Variants in KCNB2 observed in about 807,000 individuals in gnomAD.
The protein encoded by KCNB2 is delayed rectifier potassium channel protein.
A neutral mutation model predicts 61.5 loss-of-function variants in KCNB2; 15 were observed. That is an observed-to-expected ratio of 0.24 (90% CI 0.16 to 0.38). KCNB2 has a LOEUF of 0.38. Among genes scored for constraint, KCNB2 ranks in the 10% least tolerant of loss-of-function variants. The pLI is 1.00. For missense variants in KCNB2, 828 were observed against 1,125.2 expected, an observed-to-expected ratio of 0.74 and a Z score of 3.78; for synonymous variants, 457 against 446.0, an observed-to-expected ratio of 1.02 and a Z score of -0.31.
At chr8:72,703,513 C>A (rs567270429) in intron 2 of KCNB2, among the ~76,000 whole-genome samples, 1 of 152,322 alleles carries the variant, frequency 6.6e-6, no homozygotes, top group South Asian at 2.1e-4. Context: ...TCTACACTGA[C>A]CAGTCCTTGG....
chr8:72,682,764 T>C (rs1806782193), intron 2 of KCNB2, among the ~76,000 whole-genome samples: 1 of 152,140 alleles, frequency 6.6e-6, no homozygotes, highest in African/African-American at 2.4e-5. Context: ...CAGCTAACTT[T>C]TATTTTTTTG....
chr8:72,710,503 C>T (rs749510162), intron 2 of KCNB2, among the ~76,000 whole-genome samples: 5 of 151,768 alleles, frequency 3.3e-5, no homozygotes, highest in East Asian at 1.9e-4. Context: ...TGTGTGTTTG[C>T]GTATGTGTGT....
chr8:72,935,748 T>A (rs1206966169), intron 2 of KCNB2, among the ~76,000 whole-genome samples, 187 bp from the exon 3 acceptor site: 3 of 152,242 alleles, frequency 2.0e-5, no homozygotes, highest in Non-Finnish European at 4.4e-5. Flanking sequence ...AATTTAAATA[T>A]ACATTAGGCT....
intron 2 of KCNB2, among the ~76,000 whole-genome samples, chr8:72,763,972 C>G (rs1405317326): frequency 6.6e-6 from 1 of 152,056 alleles, no homozygotes; most frequent in Non-Finnish European, 1.5e-5. Context: ...ACAGGCACAG[C>G]AGAGACCTTG....
chr8:72,925,199 T>G (rs1253827441), intron 2 of KCNB2, among the ~76,000 whole-genome samples: 1 of 152,234 alleles, frequency 6.6e-6, no homozygotes, highest in Non-Finnish European at 1.5e-5. Context: ...TGCAATTCTC[T>G]GTTAATGGTG....
chr8:72,556,629 A>G (rs796189024), intron 1 of KCNB2, among the ~76,000 whole-genome samples: 105 of 152,304 alleles, frequency 6.9e-4, no homozygotes, highest in African/African-American at 2.4e-3. Flanking sequence ...ACAAAGTCCA[A>G]TTTTTAAATT....
At chr8:72,547,083 C>T (rs1376359111) in intron 1 of KCNB2, among the ~76,000 whole-genome samples, 3 of 152,208 alleles carry the variant, frequency 2.0e-5, no homozygotes, top group East Asian at 3.8e-4. Context: ...TTTACTCTGC[C>T]TATGCTTTAG....
At chr8:72,904,707 G>A (rs1406549892) in intron 2 of KCNB2, among the ~76,000 whole-genome samples, 1 of 151,540 alleles carries the variant, frequency 6.6e-6, no homozygotes, top group African/African-American at 2.4e-5. Context: ...TGTGCACAAC[G>A]TTTTATTTTT....
intron 2 of KCNB2, among the ~76,000 whole-genome samples, chr8:72,913,790 G>A (rs1176370875): frequency 6.6e-6 from 1 of 152,178 alleles, no homozygotes; most frequent in Non-Finnish European, 1.5e-5. Flanking sequence ...GTACTCAGAT[G>A]TTACTTTGGT....
In KCNB2 at chr8:72,694,944, C is replaced by A. The variant is rs183998185; in HGVS notation, c.579+126631C>A. On this transcript the variant is annotated intron_variant, in intron 2 of 2. Transcript: ENST00000523207. ...TCTTAAACTGATATTTTTCCTCTGA[C>A]AACAAGGGCACCTACATTTTTGTCA... Among the ~76,000 whole-genome samples, 320 of 152,044 alleles carry A rather than the reference C, an allele frequency of 2.1e-3. 3 individuals are homozygous for A. Among genetic ancestry groups the A allele is most frequent in the African/African-American group, 7.2e-3 (301 of 41,526 alleles).
intron 2 of KCNB2, among the ~76,000 whole-genome samples, chr8:72,795,405 T>G (rs556570510): frequency 2.0e-5 from 3 of 152,316 alleles, no homozygotes; most frequent in Non-Finnish European, 4.4e-5. Context: ...AATAAATGAT[T>G]TGAATATTTT....
intron 2 of KCNB2, among the ~76,000 whole-genome samples, chr8:72,687,795 G>C (rs1806875248): frequency 6.6e-6 from 1 of 152,164 alleles, no homozygotes; most frequent in South Asian, 2.1e-4. Flanking sequence ...TTACTTGACT[G>C]TCTTTTAAAA....
Position 72,750,857 on chromosome 8 carries a change from A to C in KCNB2, c.579+182544A>C, listed in dbSNP as rs989535582. Reference sequence around the variant, plus strand: ...TAATAATATTGACTAACATTTATAAAAATCAAATGATATCAGTCACTCACT... The same window carrying C: ...TAATAATATTGACTAACATTTATAACAATCAAATGATATCAGTCACTCACT... On this transcript the variant is annotated intron_variant, in intron 2 of 2. Transcript: ENST00000523207. The C allele has an allele frequency of 2.6e-5, 4 of 152,306 alleles. No homozygotes were observed. In the East Asian group the frequency reaches 7.7e-4, roughly 29 times the overall value. 9.4% of individuals were successfully genotyped at this position (152,306 alleles called of 1,614,324 possible).
chr8:72,834,560 G>T (rs909707633), intron 2 of KCNB2, among the ~76,000 whole-genome samples: 1 of 152,076 alleles, frequency 6.6e-6, no homozygotes, highest in African/African-American at 2.4e-5. Context: ...AAAATTCCTT[G>T]CTGGAAGTCC....
At chr8:72,546,433 C>T (rs1806258952) in intron 1 of KCNB2, among the ~76,000 whole-genome samples, 1 of 151,510 alleles carries the variant, frequency 6.6e-6, no homozygotes, top group Non-Finnish European at 1.5e-5. Flanking sequence ...CAGAGAATTG[C>T]TTGAACCTGA....
chr8:72,652,601 G>A (rs1170066879), intron 2 of KCNB2, among the ~76,000 whole-genome samples: 4 of 152,060 alleles, frequency 2.6e-5, no homozygotes, highest in African/African-American at 9.7e-5. Flanking sequence ...CCTTCAGCCT[G>A]TCTCTCCAGT....
intron 2 of KCNB2, among the ~76,000 whole-genome samples, chr8:72,742,826 C>T (rs1340945622): frequency 6.6e-6 from 1 of 152,182 alleles, no homozygotes; most frequent in Non-Finnish European, 1.5e-5. Flanking sequence ...TATGACTTTA[C>T]CCATGACGTC....
intron 2 of KCNB2, among the ~76,000 whole-genome samples, chr8:72,847,109 A>G (rs1342271326): frequency 1.3e-5 from 2 of 152,216 alleles, no homozygotes; most frequent in Non-Finnish European, 2.9e-5. Context: ...CACCTTCTGC[A>G]TTGATCTCAC....
chr8:72,573,113 T>G (rs940156366), intron 2 of KCNB2, among the ~76,000 whole-genome samples: 3 of 152,116 alleles, frequency 2.0e-5, no homozygotes, highest in Non-Finnish European at 4.4e-5. Flanking sequence ...TGAGAACTAG[T>G]CCCCTATTCC....
Sources: gnomAD v4.1 joint callset for allele counts (sites outside exome capture counted in the v4.1 genomes callset) on GRCh38, gnomAD v4.1.1 for gene constraint, MANE v1.5 for transcripts, NCBI Gene and HGNC (gene_info 2026-07-23, HGNC 2026-07-21) for gene names.